ERBIN: variants seen among roughly 807,000 people sequenced by gnomAD.
ERBIN encodes the protein erbb2 interacting protein.
Under a neutral mutation model 158.4 loss-of-function variants are expected in ERBIN, and 60 were observed. The observed-to-expected ratio is 0.38, with a 90% confidence interval of 0.31 to 0.47. The LOEUF is 0.47. Ranked by LOEUF, ERBIN falls within the 20% of genes least tolerant of loss-of-function variation. The pLI, the probability that ERBIN is intolerant of heterozygous loss-of-function variation, is 0.99. For missense variants in ERBIN, 1,610 were observed against 1,648.0 expected, an observed-to-expected ratio of 0.98 and a Z score of 0.40; for synonymous variants, 594 against 557.2, an observed-to-expected ratio of 1.07 and a Z score of -0.93.
At chr5:66,057,739 C>A (rs1279323671) in intron 21 of ERBIN, among the ~76,000 whole-genome samples, 1 of 129,832 alleles carries the variant, frequency 7.7e-6, no homozygotes, top group South Asian at 2.5e-4. Context: ...GTGTGATGTT[C>A]CCCTTCCTGT....
chr5:66,026,940 T>G (rs955994628), intron 13 of ERBIN, among the ~76,000 whole-genome samples: 1 of 152,032 alleles, frequency 6.6e-6, no homozygotes, highest in Admixed American at 6.5e-5. Context: ...AATATTTTCC[T>G]AGGCAGAGAT....
chr5:66,044,770 C>G (rs1003440147), intron 17 of ERBIN, among the ~76,000 whole-genome samples: 2 of 150,284 alleles, frequency 1.3e-5, no homozygotes, highest in African/African-American at 4.9e-5. Flanking sequence ...GTCTCAAAAA[C>G]AAAAAATAAG....
chr5:65,939,301 G>T (rs1001231159), intron 1 of ERBIN, among the ~76,000 whole-genome samples: 4 of 152,092 alleles, frequency 2.6e-5, no homozygotes, highest in African/African-American at 9.7e-5. Context: ...GCCGAGTGTG[G>T]TGGCGTGTGC....
At chr5:66,062,868 C>T (rs1269105542) in intron 21 of ERBIN, among the ~76,000 whole-genome samples, 4 of 152,140 alleles carry the variant, frequency 2.6e-5, no homozygotes, top group East Asian at 1.9e-4. Context: ...ATTGGTGAAC[C>T]GCAAATGCTG....
intron 7 of ERBIN, 67 bp from the exon 8 acceptor site, chr5:66,021,255 C>T (rs909104502): frequency 3.2e-6 from 3 of 951,744 alleles, no homozygotes; most frequent in African/African-American, 1.7e-5. Context: ...ATGTTTTAGA[C>T]TGTTTTGAAA....
At chr5:66,032,194 T>C (rs1360204433) in intron 14 of ERBIN, among the ~76,000 whole-genome samples, 1 of 151,954 alleles carries the variant, frequency 6.6e-6, no homozygotes, top group Non-Finnish European at 1.5e-5. Flanking sequence ...TAGAGATCAG[T>C]TGGTGGAGGA....
At chr5:66,026,722 T>G (rs1436873602) in intron 13 of ERBIN, among the ~76,000 whole-genome samples, 1 of 152,014 alleles carries the variant, frequency 6.6e-6, no homozygotes, top group Non-Finnish European at 1.5e-5. Flanking sequence ...GACTTAACTG[T>G]ATATATTTTT....
At chr5:66,025,708 C>CT in intron 11 of ERBIN, 140 bp from the exon 12 acceptor site, 2 of 843,598 alleles carry the variant, frequency 2.4e-6, no homozygotes, top group Non-Finnish European at 3.6e-6. Flanking sequence ...GACAAACCTA[C>CT]TTATTGGTGA....
intron 22 of ERBIN, among the ~76,000 whole-genome samples, chr5:66,074,045 ATTTTTTTTTTTTT>A (rs397884229): frequency 8.7e-5 from 8 of 91,926 alleles, no homozygotes; most frequent in Admixed American, 6.8e-4. Flanking sequence ...TGCCCAGCTA[ATTTTTTTTTTTTT>A]TTTTTTTTTT....
intron 21 of ERBIN, among the ~76,000 whole-genome samples, chr5:66,063,788 G>C (rs915075189): frequency 2.0e-5 from 3 of 152,098 alleles, no homozygotes; most frequent in Admixed American, 1.3e-4. Context: ...TGATGATCTT[G>C]AATAATTTTC....
intron 1 of ERBIN, among the ~76,000 whole-genome samples, chr5:65,945,058 T>C (rs1021332871): frequency 1.3e-5 from 2 of 152,180 alleles, no homozygotes; most frequent in African/African-American, 4.8e-5. Context: ...TGGAGAAAAA[T>C]AAAAATACCT....
chr5:65,935,391 CAGTG>C lies in ERBIN; in HGVS notation c.-58+8588_-58+8591del, dbSNP rs539458548. Among the ~76,000 whole-genome samples the C allele has an allele frequency of 1.4e-4, 21 of 152,158 alleles. No individual in the cohort carries two copies. In the East Asian group the frequency reaches 4.0e-3, roughly 29 times the overall value. ...TTCCATACTTGTAACTTATCTCTAA[CAGTG>C]AGAAATAGTTTTGTTTCCATATGTT... On this transcript the variant is annotated intron_variant, in intron 1 of 25. Coordinates refer to ENST00000284037, the MANE Select transcript of ERBIN (RefSeq NM_001253697.2).
chr5:66,013,840 A>T (rs2151108932), intron 6 of ERBIN, among the ~76,000 whole-genome samples: 1 of 152,146 alleles, frequency 6.6e-6, no homozygotes, highest in African/African-American at 2.4e-5. Context: ...GTTTGAAAGA[A>T]AAAAAAAGTT....
chr5:65,939,410 C>CT (rs1238587962), intron 1 of ERBIN, among the ~76,000 whole-genome samples: 1 of 152,160 alleles, frequency 6.6e-6, no homozygotes, highest in Non-Finnish European at 1.5e-5. Context: ...GCATTCCAGC[C>CT]TGGGCAACAG....
Position 66,025,547 on chromosome 5 carries a change from A to C in ERBIN, c.885A>C (p.Ile295=). 1 of 1,610,834 alleles carries C rather than the reference A, an allele frequency of 6.2e-7. No individual in the cohort carries two copies. Among genetic ancestry groups the C allele is most frequent in the Non-Finnish European group, 8.5e-7 (1 of 1,177,530 alleles). Residue 295 remains isoleucine (I), a synonymous_variant, in exon 11 of 26, where the codon ATA becomes ATC. Coordinates refer to ENST00000284037, the MANE Select transcript of ERBIN (RefSeq NM_001253697.2). ...AGTTAATGTATCTGCCAGACTCTAT[A>C]GGAGGGTAAGTTTTTTGTGAATGTA... is the stretch of plus-strand genomic sequence containing the variant. ...ENQLMYLPDS[I]GGLISVEELD... is the part of the protein sequence containing the mutation.
chr5:65,974,952 C>T (rs572324136), intron 1 of ERBIN, among the ~76,000 whole-genome samples: 16 of 152,062 alleles, frequency 1.1e-4, no homozygotes, highest in Non-Finnish European at 2.1e-4. Flanking sequence ...TAAGGGGAAG[C>T]GAAGCTACTA....
chr5:65,996,651 C>T (rs1580294187), intron 4 of ERBIN, among the ~76,000 whole-genome samples: 1 of 151,746 alleles, frequency 6.6e-6, no homozygotes, highest in Admixed American at 6.6e-5. Flanking sequence ...TAGGATTTTT[C>T]TTTTTCTATG....
intron 4 of ERBIN, among the ~76,000 whole-genome samples, chr5:65,999,437 C>T (rs915453277): frequency 6.6e-6 from 1 of 152,188 alleles, no homozygotes; most frequent in African/African-American, 2.4e-5. Context: ...CATGTCTTCA[C>T]TCCTAAATGT....
intron 1 of ERBIN, among the ~76,000 whole-genome samples, chr5:65,943,011 T>A (rs528929788): frequency 2.6e-4 from 39 of 152,288 alleles, no homozygotes; most frequent in African/African-American, 8.4e-4. Context: ...CCTTCTCCAT[T>A]TCCCCTATTA....
Sources: gnomAD v4.1 joint callset for allele counts (sites outside exome capture counted in the v4.1 genomes callset) on GRCh38, gnomAD v4.1.1 for gene constraint, MANE v1.5 for transcripts, NCBI Gene and HGNC (gene_info 2026-07-23, HGNC 2026-07-21) for gene names.